The following SEPHS1 variants were observed in gnomAD, a reference collection of about 807,000 sequenced individuals.
The protein encoded by SEPHS1 is zincore component SEPHS1.
In SEPHS1, 7 loss-of-function variants were observed where a neutral mutation model predicts 39.2. The ratio of observed to expected loss-of-function variants is 0.18; its 90% CI spans 0.10 to 0.34. The LOEUF (loss-of-function observed/expected upper bound fraction) is 0.34, where lower values mean the gene tolerates loss of function less well. SEPHS1 is among the 10% of genes least tolerant of loss of function. SEPHS1 has a pLI of 1.00. For synonymous variants in SEPHS1, 190 were observed against 195.5 expected (o/e 0.97, Z 0.23); for missense variants, 253 against 514.5 (o/e 0.49, Z 4.92).
At chr10:13,332,111 T>TCCGTCACCTGAGGTCCGTCACCTGA (rs1833489822) in intron 5 of SEPHS1, among the ~76,000 whole-genome samples, 1 of 152,088 alleles carries the variant, frequency 6.6e-6, no homozygotes, top group Non-Finnish European at 1.5e-5. Flanking sequence ...TCCTAATAGG[T>TCCGTCACCTGAGGTCCGTCACCTGA]GGAAACAACC....
chr10:13,345,097 G>T, intron 1 of SEPHS1, 69 bp from the exon 2 acceptor site: 1 of 659,772 alleles, frequency 1.5e-6, no homozygotes, highest in South Asian at 3.6e-5. Context: ...CGAATCAAGT[G>T]AATACATGAC....
chr10:13,343,362 T>G (rs2130698122), intron 2 of SEPHS1, among the ~76,000 whole-genome samples: 1 of 152,252 alleles, frequency 6.6e-6, no homozygotes, highest in East Asian at 1.9e-4. Flanking sequence ...CAAACTGAGC[T>G]CCTCAAAGTC....
intron 2 of SEPHS1, among the ~76,000 whole-genome samples, chr10:13,340,036 C>G (rs1244971970): frequency 1.3e-5 from 2 of 152,006 alleles, no homozygotes; most frequent in Non-Finnish European, 2.9e-5. Flanking sequence ...CTGAATCTAC[C>G]CTATAAATTC....
intron 7 of SEPHS1, among the ~76,000 whole-genome samples, chr10:13,324,621 T>G (rs1234347250): frequency 1.3e-5 from 2 of 150,988 alleles, no homozygotes; most frequent in Non-Finnish European, 3.0e-5. Context: ...TGTTTTTGGG[T>G]TTTTTTTGAG....
At chr10:13,334,101 G>A (rs1833552463) in intron 4 of SEPHS1, 130 bp from the exon 5 acceptor site, 1 of 829,614 alleles carries the variant, frequency 1.2e-6, no homozygotes, top group South Asian at 1.9e-5. Context: ...TTTACAGACA[G>A]GGAAGGTTGT....
At chr10:13,323,791 G>C (rs1833181334) in intron 7 of SEPHS1, among the ~76,000 whole-genome samples, 1 of 151,092 alleles carries the variant, frequency 6.6e-6, no homozygotes, top group Non-Finnish European at 1.5e-5. Flanking sequence ...GACCAGGCTG[G>C]AGTGCAGTGG....
At chr10:13,332,970 A>G (rs1007066805) in intron 5 of SEPHS1, among the ~76,000 whole-genome samples, 4 of 152,208 alleles carry the variant, frequency 2.6e-5, no homozygotes, top group African/African-American at 9.6e-5. Context: ...AGGATGGAGC[A>G]GGAGTGAACA....
intron 4 of SEPHS1, 78 bp from the exon 5 acceptor site, chr10:13,334,049 G>T: frequency 7.9e-7 from 1 of 1,264,776 alleles, no homozygotes; most frequent in Non-Finnish European, 1.1e-6. Flanking sequence ...TACACTTACA[G>T]TTATAAAAAG....
At chr10:13,329,057 T>C (rs180672082) in intron 6 of SEPHS1, among the ~76,000 whole-genome samples, 14 of 152,362 alleles carry the variant, frequency 9.2e-5, no homozygotes, top group Admixed American at 5.9e-4. Flanking sequence ...ATGATAGTTG[T>C]AGAAATTAAA....
chr10:13,323,743 C>CTT lies in SEPHS1; in HGVS notation c.752-698_752-697dup, dbSNP rs111687891. Among the ~76,000 whole-genome samples the CTT allele has an allele frequency of 4.9e-4, 70 of 143,270 alleles. 2 individuals carry two copies. Among genetic ancestry groups the CTT allele is most frequent in the African/African-American group, 1.6e-3 (64 of 39,234 alleles). 94.0% of individuals were successfully genotyped at this position (143,270 alleles called of 152,430 possible). On this transcript the variant is annotated intron_variant, in intron 7 of 8. Coordinates refer to ENST00000327347, the MANE Select transcript of SEPHS1 (RefSeq NM_012247.5). Reference sequence around the variant, plus strand: ...TGCAAGTTTATTTTTAAATTTCTTTCTTTTTTTTTTTTTTAAGAGACAGAG... The same window carrying CTT: ...TGCAAGTTTATTTTTAAATTTCTTTCTTTTTTTTTTTTTTTTAAGAGACAGAG...
At chr10:13,320,476 G>C (rs540243658) in intron 8 of SEPHS1, among the ~76,000 whole-genome samples, 1 of 150,838 alleles carries the variant, frequency 6.6e-6, no homozygotes, top group Admixed American at 6.6e-5. Flanking sequence ...CCACTGCACC[G>C]GGCCAAAATT....
intron 1 of SEPHS1, among the ~76,000 whole-genome samples, chr10:13,347,042 T>C (rs897517934): frequency 6.6e-6 from 1 of 152,090 alleles, no homozygotes; most frequent in Admixed American, 6.5e-5. Context: ...TGTGCAGTGA[T>C]TAGGGAACCA....
intron 5 of SEPHS1, among the ~76,000 whole-genome samples, chr10:13,331,434 G>A (rs1833465872): frequency 6.6e-6 from 1 of 151,864 alleles, no homozygotes; most frequent in South Asian, 2.1e-4. Context: ...CACCCAGGCT[G>A]GAGTACAGTG....
In SEPHS1 at chr10:13,335,032, C is replaced by T. The variant is rs537515502; in HGVS notation, c.406-1061G>A. On this transcript the variant is annotated intron_variant, in intron 4 of 8. Transcript: ENST00000327347. ...GACCACCATGCACCACTGATGACTA[C>T]AGCCCATGTTCAAGGGCAGGAAAGA... 6.6e-5 allele frequency among the ~76,000 whole-genome samples: 10 copies of T among 152,346 alleles called. No individual in the cohort carries two copies. In the South Asian group the frequency reaches 2.1e-3, roughly 32 times the overall value.
At chr10:13,347,720 G>C (rs1833969420) in intron 1 of SEPHS1, among the ~76,000 whole-genome samples, 1 of 146,842 alleles carries the variant, frequency 6.8e-6, no homozygotes, top group South Asian at 2.1e-4. Context: ...ACCCCTGCGT[G>C]GCCGCCGCCG....
At chr10:13,334,477 G>A (rs1312912958) in intron 4 of SEPHS1, among the ~76,000 whole-genome samples, 1 of 152,134 alleles carries the variant, frequency 6.6e-6, no homozygotes, top group Non-Finnish European at 1.5e-5. Flanking sequence ...GGAGGCAGAG[G>A]TTGTAGTTAG....
chr10:13,341,510 A>G (rs1833784385), intron 2 of SEPHS1, among the ~76,000 whole-genome samples: 1 of 151,960 alleles, frequency 6.6e-6, no homozygotes, highest in African/African-American at 2.4e-5. Flanking sequence ...CAGGCAACAA[A>G]TGTCTCTGGT....
intron 7 of SEPHS1, among the ~76,000 whole-genome samples, chr10:13,326,687 A>G (rs1833305270): frequency 6.6e-6 from 1 of 151,750 alleles, no homozygotes; most frequent in African/African-American, 2.4e-5. Context: ...AGCTTAGACT[A>G]CAGGAATGCA....
Position 13,319,371 on chromosome 10 carries a change from C to G in SEPHS1, c.965-15G>C. The G allele has an allele frequency of 6.2e-7, 1 of 1,612,264 alleles. No homozygotes were observed. The highest frequency in any genetic ancestry group is 1.1e-5 in the South Asian group (1 of 90,604). On this transcript the variant is annotated splice_polypyrimidine_tract_variant and intron_variant, in intron 8 of 8. Transcript: ENST00000327347. ...CAGAAGGCCGCCTGGCAAAAGAAAA[C>G]AAGAATGACTGTTAGTGTTGACATG...
Sources: gnomAD v4.1 joint callset for allele counts (sites outside exome capture counted in the v4.1 genomes callset) on GRCh38, gnomAD v4.1.1 for gene constraint, MANE v1.5 for transcripts, NCBI Gene and HGNC (gene_info 2026-07-23, HGNC 2026-07-21) for gene names.